Variants in SEC23B observed in about 807,000 individuals in gnomAD.
The protein encoded by SEC23B is SEC23 homolog B, COPII component, also known as protein transport protein Sec23B.
A neutral mutation model predicts 104.3 loss-of-function variants in SEC23B; 77 were observed. The ratio of observed to expected loss-of-function variants is 0.74; its 90% CI spans 0.61 to 0.89. The LOEUF (loss-of-function observed/expected upper bound fraction) is 0.89. Ranked by LOEUF, SEC23B falls within the 40% of genes least tolerant of loss-of-function variation. SEC23B has a pLI of 0.00. For synonymous variants in SEC23B, 338 were observed against 332.5 expected (o/e 1.02, Z -0.18); for missense variants, 885 against 949.4 (o/e 0.93, Z 0.89).
chr20:18,532,833 C>A, intron 11 of SEC23B, 89 bp downstream of exon 11: 1 of 929,126 alleles, frequency 1.1e-6, no homozygotes, highest in African/African-American at 1.6e-5. Flanking sequence ...CATGTGTCAC[C>A]TGTTGGATGT....
intron 17 of SEC23B, among the ~76,000 whole-genome samples, chr20:18,552,388 C>G (rs1277514049): frequency 6.6e-6 from 1 of 152,258 alleles, no homozygotes; most frequent in East Asian, 1.9e-4. Context: ...GGATGACCAG[C>G]TGCTCTTCCC....
At position 18,528,775 on chromosome 20, in the gene SEC23B, A is replaced by G. The variant is rs143745469; in HGVS notation, c.1109+1164A>G. On this transcript the variant is annotated intron_variant, in intron 9 of 19. Transcript: ENST00000650089. ...CCAGGAGTTCTGACTCGGAATGTCCATAGAAAAGCTTTAGTGTATTTGTGA... is the reference window on the plus strand; with the variant it reads ...CCAGGAGTTCTGACTCGGAATGTCCGTAGAAAAGCTTTAGTGTATTTGTGA... Among the ~76,000 whole-genome samples, 3 of 152,368 alleles carry G rather than the reference A, an allele frequency of 2.0e-5. No homozygotes were observed. The East Asian group carries it at 5.8e-4, about 29-fold the overall frequency.
At chr20:18,511,289 T>TA (rs997960384) in intron 2 of SEC23B, among the ~76,000 whole-genome samples, 39 of 152,104 alleles carry the variant, frequency 2.6e-4, no homozygotes, top group African/African-American at 8.7e-4. Flanking sequence ...GAGGTAGAGG[T>TA]AGAGGGAGAG....
At position 18,511,886 on chromosome 20, in the gene SEC23B, G is replaced by GA. The variant is rs530379516; in HGVS notation, c.222-332dup. ...ACATAGCCGGACAATAAAGATGTTA[G>GA]AAAAAAATCATGAAGAGTATGTTAA... On this transcript the variant is annotated intron_variant, in intron 2 of 19. Transcript: ENST00000650089. Among the ~76,000 whole-genome samples the GA allele has an allele frequency of 1.8e-3, 279 of 152,008 alleles. 4 individuals are homozygous for GA. Among genetic ancestry groups the GA allele is most frequent in the Non-Finnish European group, 1.2e-3 (83 of 67,956 alleles).
In SEC23B at chr20:18,558,938, G is replaced by A. The variant is rs562738952; in HGVS notation, c.2215-1713G>A. 7.2e-5 allele frequency among the ~76,000 whole-genome samples: 11 copies of A among 152,258 alleles called. No individual in the cohort carries two copies. In the South Asian group the frequency reaches 1.7e-3, roughly 23 times the overall value. On this transcript the variant is annotated intron_variant, in intron 19 of 19. Coordinates refer to ENST00000650089, the MANE Select transcript of SEC23B (RefSeq NM_006363.6). ...ACTTGTCTTTTTTAATTCAGGTGGA[G>A]GTCTTGGTAATCACTTTGTGTAAGT...
chr20:18,529,507 C>T (rs941341704), intron 9 of SEC23B, among the ~76,000 whole-genome samples: 11 of 152,168 alleles, frequency 7.2e-5, no homozygotes, highest in Admixed American at 2.0e-4. Context: ...GTAGGCAGTC[C>T]GGGGCTGGTA....
intron 4 of SEC23B, among the ~76,000 whole-genome samples, chr20:18,517,301 G>A (rs1238509215): frequency 1.3e-5 from 2 of 152,184 alleles, no homozygotes; most frequent in Non-Finnish European, 2.9e-5. Flanking sequence ...ATGTTTTGTG[G>A]GCAGGAGGTG....
chr20:18,538,647 T>C (rs917970456), intron 12 of SEC23B, among the ~76,000 whole-genome samples: 3 of 152,344 alleles, frequency 2.0e-5, no homozygotes, highest in Admixed American at 1.3e-4. Context: ...TGTTGTTTGA[T>C]AGCTTTTTAC....
chr20:18,518,287 A>G (rs2060048710), intron 4 of SEC23B, among the ~76,000 whole-genome samples: 2 of 152,198 alleles, frequency 1.3e-5, no homozygotes, highest in Non-Finnish European at 2.9e-5. Flanking sequence ...GTGTCTACCT[A>G]GACCAAGAGG....
chr20:18,524,808 T>C, intron 5 of SEC23B, 127 bp from the exon 6 acceptor site: 1 of 1,238,932 alleles, frequency 8.1e-7, no homozygotes, highest in Non-Finnish European at 1.2e-6. Flanking sequence ...TTGGCCCACC[T>C]CAGCCTCATG....
chr20:18,528,504 T>C (rs954336576), intron 9 of SEC23B, among the ~76,000 whole-genome samples: 1 of 152,206 alleles, frequency 6.6e-6, no homozygotes, highest in Non-Finnish European at 1.5e-5. Flanking sequence ...GTGATTTGCA[T>C]GCACAGAAGT....
At chr20:18,553,693 A>G (rs2060409069) in intron 17 of SEC23B, among the ~76,000 whole-genome samples, 1 of 152,208 alleles carries the variant, frequency 6.6e-6, no homozygotes. Flanking sequence ...TTTGATTCTT[A>G]CAGCTTTTGT....
chr20:18,548,817 A>G lies in SEC23B; in HGVS notation c.1905+47A>G, dbSNP rs1286733420. 10 of 1,590,706 alleles carry G rather than the reference A, an allele frequency of 6.3e-6. No individual in the cohort carries two copies. In the Admixed American group the frequency reaches 1.0e-4, roughly 16 times the overall value. Reference sequence around the variant, plus strand: ...TTCCTGAGGATTGGAATCACCTAACATATATTCTTTTTTAAGCAAATTTAC... The same window carrying G: ...TTCCTGAGGATTGGAATCACCTAACGTATATTCTTTTTTAAGCAAATTTAC... On this transcript the variant is annotated intron_variant, in intron 16 of 19. Coordinates refer to ENST00000650089, the MANE Select transcript of SEC23B (RefSeq NM_006363.6).
At chr20:18,526,246 C>T (rs2060132915) in intron 7 of SEC23B, 127 bp from the exon 8 acceptor site, 1 of 1,071,294 alleles carries the variant, frequency 9.3e-7, no homozygotes, top group Non-Finnish European at 1.4e-6. Flanking sequence ...CTGTATTATT[C>T]TGCATTATCA....
intron 17 of SEC23B, among the ~76,000 whole-genome samples, chr20:18,552,259 T>C (rs1031469824): frequency 5.9e-5 from 9 of 152,220 alleles, no homozygotes; most frequent in South Asian, 2.1e-4. Flanking sequence ...GAAGTGTTAG[T>C]TTTCTAATAC....
At chr20:18,548,794 C>G in intron 16 of SEC23B, 24 bp downstream of exon 16, 1 of 1,611,046 alleles carries the variant, frequency 6.2e-7, no homozygotes. Flanking sequence ...CAAATGCTTT[C>G]CTGAGGATTG....
chr20:18,555,188 G>T lies in SEC23B; in HGVS notation c.2214+15G>T. The T allele has an allele frequency of 2.5e-6, 4 of 1,602,238 alleles. No homozygotes were observed. Among genetic ancestry groups the T allele is most frequent in the Non-Finnish European group, 3.4e-6 (4 of 1,169,356 alleles). On this transcript the variant is annotated intron_variant, in intron 19 of 19. Coordinates refer to ENST00000650089, the MANE Select transcript of SEC23B (RefSeq NM_006363.6). ...CTTGGGGACAGGTAAGAAATCTTCA[G>T]GTATTTGGGGAGGATGCTAAGCTAG...
chr20:18,554,330 A>G lies in SEC23B; in HGVS notation c.2088A>G (p.Glu696=). The change falls in exon 18 of 20, where the codon GAA becomes GAG. Residue 696 remains glutamate, a synonymous_variant. Transcript: ENST00000650089. ...AGGCACCACTGGATGATGCTCAAGA[A>G]ATTCTGCAAGCACGCTTCCCGATGC... is the stretch of plus-strand genomic sequence containing the variant. ...LLQAPLDDAQ[E]ILQARFPMPR... is the part of the protein sequence containing the mutation. The G allele has an allele frequency of 6.2e-7, 1 of 1,614,166 alleles. No homozygotes were observed. Among genetic ancestry groups the G allele is most frequent in the Non-Finnish European group, 8.5e-7 (1 of 1,180,032 alleles).
At chr20:18,511,398 C>T (rs945526634) in intron 2 of SEC23B, among the ~76,000 whole-genome samples, 12 of 151,976 alleles carry the variant, frequency 7.9e-5, no homozygotes, top group South Asian at 2.1e-4. Context: ...CAGAAGAATT[C>T]GAAAGCTTAG....
Sources: gnomAD v4.1 joint callset for allele counts (sites outside exome capture counted in the v4.1 genomes callset) on GRCh38, gnomAD v4.1.1 for gene constraint, MANE v1.5 for transcripts, NCBI Gene and HGNC (gene_info 2026-07-23, HGNC 2026-07-21) for gene names.